PTPRD: variants seen among roughly 807,000 people sequenced by gnomAD.
PTPRD encodes the protein protein tyrosine phosphatase receptor type D, also known as receptor-type tyrosine-protein phosphatase delta.
A neutral mutation model predicts 214.5 loss-of-function variants in PTPRD; 34 were observed. The observed-to-expected ratio is 0.16, with a 90% CI of 0.12 to 0.21. PTPRD has a LOEUF of 0.21. Ranked by LOEUF, PTPRD falls within the 10% of genes least tolerant of loss-of-function variation. The pLI, the probability that PTPRD is intolerant of heterozygous loss-of-function variation, is 1.00. For missense variants in PTPRD, 2,545 were observed against 2,398.7 expected (o/e 1.06, Z -1.27); for synonymous variants, 1,128 against 845.7 (o/e 1.33, Z -5.79).
At chr9:9,473,069 C>A (rs979266102) in intron 8 of PTPRD, among the ~76,000 whole-genome samples, 1 of 152,082 alleles carries the variant, frequency 6.6e-6, no homozygotes, top group African/African-American at 2.4e-5. Context: ...ATTTATTCCT[C>A]CAATCTAGTT....
At chr9:9,115,351 A>G (rs893243159) in intron 10 of PTPRD, among the ~76,000 whole-genome samples, 1 of 152,156 alleles carries the variant, frequency 6.6e-6, no homozygotes, top group African/African-American at 2.4e-5. Flanking sequence ...AAGAAGATAA[A>G]CAAATGGCCG....
At position 10,313,546 on chromosome 9, in the gene PTPRD, C is replaced by T. The variant is rs534302178; in HGVS notation, c.-545+27417G>A. Among the ~76,000 whole-genome samples, 80 of 151,964 alleles carry T rather than the reference C, an allele frequency of 5.3e-4. 1 individual carries two copies. The South Asian group carries it at 0.015, about 28-fold the overall frequency. On this transcript the variant is annotated intron_variant, in intron 3 of 45. Transcript: ENST00000381196. Reference sequence around the variant, plus strand: ...TCAAAATTTAAAATCCTGCATATAGCTCTTAATCAACTTGAAGATAAAGTA... The same window carrying T: ...TCAAAATTTAAAATCCTGCATATAGTTCTTAATCAACTTGAAGATAAAGTA...
At chr9:10,437,333 A>G (rs2098726195) in intron 2 of PTPRD, among the ~76,000 whole-genome samples, 1 of 151,858 alleles carries the variant, frequency 6.6e-6, no homozygotes, top group South Asian at 2.1e-4. Context: ...ATATATTCAG[A>G]CTATTGCAAA....
Position 8,517,898 on chromosome 9 carries a change from A to G in PTPRD, c.1493T>C (p.Ile498Thr). The change falls in exon 21 of 46, where the codon ATT (isoleucine) becomes ACT (threonine). Residue 498 changes from isoleucine to threonine, a missense_variant. Ile to Thr is a moderately conservative substitution (Grantham distance 89, BLOSUM62 -1). Coordinates refer to ENST00000381196, the MANE Select transcript of PTPRD (RefSeq NM_002839.4). ...YSVKVLAFTSIGDGPLSSDIQ... is the reference protein window; with the variant it reads ...YSVKVLAFTSTGDGPLSSDIQ... Reference sequence around the variant, plus strand: ...GTCACTTGAAAGGGGACCATCTCCAATTGAGGTAAAAGCCAGGACTTTGAC... The same window carrying G: ...GTCACTTGAAAGGGGACCATCTCCAGTTGAGGTAAAAGCCAGGACTTTGAC... 1.2e-6 allele frequency: 2 copies of G among 1,614,142 alleles called. No homozygotes were observed. The highest frequency in any genetic ancestry group is 8.5e-7 in the Non-Finnish European group (1 of 1,180,000).
At chr9:9,419,577 T>C (rs1312142743) in intron 8 of PTPRD, among the ~76,000 whole-genome samples, 2 of 151,790 alleles carry the variant, frequency 1.3e-5, no homozygotes, top group African/African-American at 4.8e-5. Flanking sequence ...ATGTATATTG[T>C]TTATAAACTT....
intron 7 of PTPRD, among the ~76,000 whole-genome samples, chr9:9,628,443 G>A (rs1054639192): frequency 7.2e-5 from 11 of 152,032 alleles, no homozygotes; most frequent in Non-Finnish European, 1.3e-4. Flanking sequence ...AATCCATTCT[G>A]ATGATTTCTC....
chr9:10,145,950 AAC>A (rs1403973576), intron 3 of PTPRD, among the ~76,000 whole-genome samples: 6 of 150,864 alleles, frequency 4.0e-5, no homozygotes, highest in African/African-American at 1.2e-4. Context: ...CATGTTTATA[AAC>A]AGTTAATTAA....
intron 12 of PTPRD, among the ~76,000 whole-genome samples, chr9:8,651,834 A>C (rs562655456): frequency 6.6e-6 from 1 of 152,316 alleles, no homozygotes; most frequent in African/African-American, 2.4e-5. Context: ...TCCTGGTAAG[A>C]GAACTTGGAT....
chr9:9,047,635 C>T (rs2099675468), intron 10 of PTPRD, among the ~76,000 whole-genome samples: 1 of 152,042 alleles, frequency 6.6e-6, no homozygotes, highest in African/African-American at 2.4e-5. Context: ...ATGCCAAGAA[C>T]ATATACTGGG....
chr9:8,528,862 A>T, intron 14 of PTPRD, 83 bp from the exon 15 acceptor site: 2 of 1,377,752 alleles, frequency 1.5e-6, no homozygotes, highest in Non-Finnish European at 1.0e-6. Flanking sequence ...ATCTCTCTTT[A>T]CCTTACTCAG....
chr9:9,809,169 A>T (rs1335324184), intron 5 of PTPRD, among the ~76,000 whole-genome samples: 1 of 151,738 alleles, frequency 6.6e-6, no homozygotes, highest in Non-Finnish European at 1.5e-5. Context: ...GTGCATGTTA[A>T]TAGGTTTGTA....
At chr9:8,745,845 T>G (rs749608651) in intron 11 of PTPRD, among the ~76,000 whole-genome samples, 1 of 152,030 alleles carries the variant, frequency 6.6e-6, no homozygotes, top group African/African-American at 2.4e-5. Context: ...TCGCCCAGGC[T>G]GGAGTGCAGT....
At chr9:10,171,897 A>G (rs1436715795) in intron 3 of PTPRD, among the ~76,000 whole-genome samples, 2 of 152,146 alleles carry the variant, frequency 1.3e-5, no homozygotes, top group African/African-American at 4.8e-5. Context: ...ACCCAGGAAT[A>G]GTAGGCAGTA....
At chr9:10,221,872 T>C (rs1364809531) in intron 3 of PTPRD, among the ~76,000 whole-genome samples, 1 of 151,988 alleles carries the variant, frequency 6.6e-6, no homozygotes, top group African/African-American at 2.4e-5. Flanking sequence ...AGACCATAAA[T>C]GCTTTGTATT....
At chr9:8,821,631 G>C (rs2097066241) in intron 11 of PTPRD, among the ~76,000 whole-genome samples, 1 of 152,098 alleles carries the variant, frequency 6.6e-6, no homozygotes. Flanking sequence ...GACTGTTTTA[G>C]ACTTTCTAAG....
At chr9:10,490,115 A>C (rs2039694729) in intron 2 of PTPRD, among the ~76,000 whole-genome samples, 1 of 152,148 alleles carries the variant, frequency 6.6e-6, no homozygotes, top group South Asian at 2.1e-4. Flanking sequence ...AGTCAATTTA[A>C]AGTAGGCTTA....
At chr9:9,228,257 A>T (rs2099960812) in intron 9 of PTPRD, among the ~76,000 whole-genome samples, 1 of 152,142 alleles carries the variant, frequency 6.6e-6, no homozygotes, top group Non-Finnish European at 1.5e-5. Flanking sequence ...ATTCAATTAA[A>T]TAGGATGTGG....
intron 2 of PTPRD, among the ~76,000 whole-genome samples, chr9:10,366,544 C>T (rs767782022): frequency 6.6e-6 from 1 of 152,126 alleles, no homozygotes; most frequent in Non-Finnish European, 1.5e-5. Context: ...AATTGTTATA[C>T]TTAAGACTAA....
intron 2 of PTPRD, among the ~76,000 whole-genome samples, chr9:10,552,352 C>T (rs749476443): frequency 1.3e-5 from 2 of 152,192 alleles, no homozygotes; most frequent in African/African-American, 4.8e-5. Context: ...TTTTGGATAC[C>T]TATTGCTCCC....
Sources: gnomAD v4.1 joint callset for allele counts (sites outside exome capture counted in the v4.1 genomes callset) on GRCh38, gnomAD v4.1.1 for gene constraint, MANE v1.5 for transcripts, NCBI Gene and HGNC (gene_info 2026-07-23, HGNC 2026-07-21) for gene names.